The following C2CD2 variants were observed in gnomAD, a reference collection of about 807,000 sequenced individuals.
C2CD2 encodes the protein C2 domain-containing protein 2.
C2CD2 carries 43 observed loss-of-function variants against 74.3 expected under a neutral mutation model. The observed-to-expected ratio is 0.58, with a 90% CI of 0.45 to 0.75. C2CD2 has a LOEUF of 0.75. Ranked by LOEUF, C2CD2 falls within the 30% of genes least tolerant of loss-of-function variation. The pLI is 0.00. For missense variants in C2CD2, 801 were observed against 916.3 expected (o/e 0.87, Z 1.63); for synonymous variants, 422 against 390.7 (o/e 1.08, Z -0.94).
intron 13 of C2CD2, among the ~76,000 whole-genome samples, chr21:41,893,848 C>T (rs1310140326): frequency 6.6e-6 from 1 of 152,004 alleles, no homozygotes; most frequent in Non-Finnish European, 1.5e-5. Context: ...ATTACAGGTG[C>T]ACATCACCAT....
intron 13 of C2CD2, among the ~76,000 whole-genome samples, chr21:41,898,817 CA>C (rs1314660112): frequency 3.3e-5 from 5 of 152,208 alleles, no homozygotes; most frequent in Admixed American, 1.3e-4. Flanking sequence ...TATGCATGGA[CA>C]CACACTGACC....
At chr21:41,946,725 T>A (rs2065400666) in intron 1 of C2CD2, among the ~76,000 whole-genome samples, 1 of 152,180 alleles carries the variant, frequency 6.6e-6, no homozygotes, top group Admixed American at 6.5e-5. Context: ...AGAAGTCACC[T>A]TAACCAAGGC....
rs58934224 is a variant in C2CD2, at chr21:41,911,388, CTTTTTTTTTTT to C, written c.953+933_953+943del. ...GCCTACATTTTTCCCTATCTCGATTCTTTTTTTTTTTTTTTTTTTGAGATGGAGTCTCACTT... is the reference window on the plus strand; with the variant it reads ...GCCTACATTTTTCCCTATCTCGATTCTTTTTTTTGAGATGGAGTCTCACTT... On this transcript the variant is annotated intron_variant, in intron 7 of 13. Coordinates refer to ENST00000380486, the MANE Select transcript of C2CD2 (RefSeq NM_015500.2). Among the ~76,000 whole-genome samples the C allele has an allele frequency of 5.1e-5, 6 of 116,746 alleles. No homozygotes were observed. The South Asian group carries it at 8.5e-4, about 17-fold the overall frequency. The allele number at this position is 116,746 out of a possible 152,430, so 76.6% of individuals were successfully genotyped here.
At chr21:41,932,445 CAGAT>C (rs10522837) in intron 2 of C2CD2, among the ~76,000 whole-genome samples, 92,509 of 149,494 alleles carry the variant, frequency 0.62, 30,862 homozygotes, top group South Asian at 0.72. Context: ...CTGCCATCTA[CAGAT>C]AGTCAGAAGA....
chr21:41,937,368 C>T (rs2065317954), intron 2 of C2CD2, among the ~76,000 whole-genome samples: 2 of 152,212 alleles, frequency 1.3e-5, no homozygotes, highest in African/African-American at 2.4e-5. Context: ...CCACCTGCCT[C>T]AGCCTCCCAA....
chr21:41,904,067 A>C (rs981221320), intron 11 of C2CD2, among the ~76,000 whole-genome samples: 1 of 152,174 alleles, frequency 6.6e-6, no homozygotes, highest in Non-Finnish European at 1.5e-5. Context: ...GGAGGTCGGC[A>C]CAAGACACAG....
At chr21:41,934,560 G>A (rs541369890) in intron 2 of C2CD2, among the ~76,000 whole-genome samples, 4 of 152,234 alleles carry the variant, frequency 2.6e-5, no homozygotes, top group East Asian at 1.9e-4. Context: ...CAAAATGCAC[G>A]TACTCTTTCT....
intron 6 of C2CD2, among the ~76,000 whole-genome samples, chr21:41,914,219 T>C (rs144101890): frequency 0.03 from 4,355 of 144,544 alleles, 133 homozygotes; most frequent in South Asian, 0.12. Flanking sequence ...AGAGCGAAAC[T>C]CCATCTCAAA....
intron 6 of C2CD2, among the ~76,000 whole-genome samples, chr21:41,914,294 T>C (rs1402898410): frequency 1.5e-5 from 2 of 134,892 alleles, no homozygotes; most frequent in Non-Finnish European, 3.2e-5. Flanking sequence ...GTTCAACAGT[T>C]AAAAAAAAAA....
At chr21:41,953,248 G>A in intron 1 of C2CD2, 122 bp downstream of exon 1, 1 of 546,848 alleles carries the variant, frequency 1.8e-6, no homozygotes, top group Non-Finnish European at 3.0e-6. Flanking sequence ...GATGGTCTGC[G>A]CTGGGGGGAG....
At chr21:41,916,299 G>A (rs1372442183) in intron 5 of C2CD2, among the ~76,000 whole-genome samples, 2 of 152,172 alleles carry the variant, frequency 1.3e-5, no homozygotes, top group African/African-American at 2.4e-5. Flanking sequence ...GTGACTGACT[G>A]TGTTTCTGGA....
intron 11 of C2CD2, 47 bp downstream of exon 11, chr21:41,905,677 G>T: frequency 2.0e-6 from 2 of 987,556 alleles, no homozygotes; most frequent in Non-Finnish European, 3.2e-6. Flanking sequence ...AGCCCAAAAG[G>T]CCCAAAGGTG....
At chr21:41,947,506 T>C (rs1227639573) in intron 1 of C2CD2, among the ~76,000 whole-genome samples, 1 of 152,180 alleles carries the variant, frequency 6.6e-6, no homozygotes, top group Non-Finnish European at 1.5e-5. Context: ...TTATGAATCA[T>C]AGTAACATGC....
At chr21:41,918,314 G>C in intron 4 of C2CD2, 87 bp from the exon 5 acceptor site, 1 of 1,393,232 alleles carries the variant, frequency 7.2e-7, no homozygotes, top group Non-Finnish European at 9.8e-7. Context: ...CTAAAACCAT[G>C]CAAAGTAGGA....
intron 1 of C2CD2, among the ~76,000 whole-genome samples, chr21:41,950,936 A>C (rs186425834): frequency 1.3e-5 from 2 of 152,278 alleles, no homozygotes; most frequent in African/African-American, 4.8e-5. Flanking sequence ...GGTAGGACAG[A>C]GTGATATCAG....
chr21:41,897,606 A>G (rs965547113), intron 13 of C2CD2, among the ~76,000 whole-genome samples: 7 of 152,184 alleles, frequency 4.6e-5, no homozygotes, highest in African/African-American at 1.2e-4. Context: ...ACAGAGTCCA[A>G]CGGGTCTGAA....
chr21:41,946,555 T>G (rs891492900), intron 1 of C2CD2, among the ~76,000 whole-genome samples: 4 of 152,190 alleles, frequency 2.6e-5, no homozygotes, highest in African/African-American at 9.7e-5. Context: ...TCCTGAGGCC[T>G]CCGCAGAAGC....
Position 41,895,041 on chromosome 21 carries a change from G to A in C2CD2, c.1870+4012C>T, listed in dbSNP as rs1271094423. The stretch of plus-strand genomic sequence containing the variant: ...ACTGAGGTGCGGCTGGGAAGGCATT[G>A]TGTAGATGTGGATAACAACTCCAGC... On this transcript the variant is annotated intron_variant, in intron 13 of 13. Coordinates refer to ENST00000380486, the MANE Select transcript of C2CD2 (RefSeq NM_015500.2). This position sits in a 1 kb window ranked among gnomAD's most constrained non-coding sequence, Gnocchi z 5.0. 1 of 439,418 alleles carries A rather than the reference G, an allele frequency of 2.3e-6. No individual in the cohort carries two copies. Among genetic ancestry groups the A allele is most frequent in the Non-Finnish European group, 4.6e-6 (1 of 215,960 alleles). The allele number at this position is 439,418 out of a possible 1,614,324, so 27.2% of individuals were successfully genotyped here. A position where few individuals can be genotyped will look rare whatever the true frequency, so the allele number is the denominator to read the frequency against.
chr21:41,953,815 G>A lies in C2CD2; in HGVS notation c.-167C>T. On this transcript the variant is annotated 5_prime_UTR_variant, in exon 1 of 14. Transcript: ENST00000380486. ...TGGCCGGGGGCCTCTGGGCGGGCAA[G>A]CGGGGAGGAAACGCGCGGCGGCCGC... 1 of 525,744 alleles carries A rather than the reference G, an allele frequency of 1.9e-6. No individual in the cohort carries two copies. The allele number at this position is 525,744 out of a possible 1,614,324, so 32.6% of individuals were successfully genotyped here.
Sources: allele counts gnomAD v4.1 joint callset (sites outside exome capture counted in the v4.1 genomes callset), GRCh38; gene constraint gnomAD v4.1.1; non-coding constraint Gnocchi (gnomAD v3.1); transcripts MANE v1.5; gene names NCBI Gene and HGNC (gene_info 2026-07-23, HGNC 2026-07-21).